CSMD1: variants seen among roughly 807,000 people sequenced by gnomAD.
The protein encoded by CSMD1 is CUB and sushi domain-containing protein 1.
In CSMD1, 213 loss-of-function variants were observed where a neutral mutation model predicts 417.5. The ratio of observed to expected loss-of-function variants is 0.51; its 90% confidence interval spans 0.46 to 0.57. The LOEUF (loss-of-function observed/expected upper bound fraction) is 0.57. Among genes scored for constraint, CSMD1 ranks in the 20% least tolerant of loss-of-function variants. The pLI, the probability that CSMD1 is intolerant of heterozygous loss-of-function variation, is 0.00. For missense variants in CSMD1, 6,923 were observed against 4,529.7 expected, an observed-to-expected ratio of 1.53 and a Z score of -15.17; for synonymous variants, 2,862 against 1,736.8, an observed-to-expected ratio of 1.65 and a Z score of -16.11.
At chr8:3,721,859 G>C (rs183113056) in intron 6 of CSMD1, among the ~76,000 whole-genome samples, 1 of 152,232 alleles carries the variant, frequency 6.6e-6, no homozygotes, top group Non-Finnish European at 1.5e-5. Flanking sequence ...GCTGTATGAA[G>C]AAAATAGCAG....
intron 1 of CSMD1, among the ~76,000 whole-genome samples, chr8:4,950,165 T>C (rs980332724): frequency 2.4e-4 from 37 of 152,218 alleles, no homozygotes; most frequent in African/African-American, 8.4e-4. Context: ...CACTTTTGTA[T>C]ATGATTGTGC....
At chr8:4,973,276 A>G (rs28506891) in intron 1 of CSMD1, among the ~76,000 whole-genome samples, 1,661 of 152,224 alleles carry the variant, frequency 0.011, 28 homozygotes, top group African/African-American at 0.037. Flanking sequence ...ACTTTATCTC[A>G]TTCGCTTTAG....
chr8:4,575,444 T>A (rs998993393), intron 2 of CSMD1, among the ~76,000 whole-genome samples: 18 of 152,322 alleles, frequency 1.2e-4, no homozygotes, highest in South Asian at 6.2e-4. Context: ...CTGTGTAACA[T>A]CCGGCAGGTC....
intron 1 of CSMD1, among the ~76,000 whole-genome samples, chr8:4,940,272 T>C (rs756576761): frequency 4.6e-5 from 7 of 152,274 alleles, no homozygotes; most frequent in East Asian, 3.9e-4. Context: ...TAACAGTCCA[T>C]TGAGTGGAAA....
rs75184805 is a variant in CSMD1, at chr8:4,794,494, C to G, written c.86-156936G>C. Among the ~76,000 whole-genome samples the G allele has an allele frequency of 2.0e-5, 3 of 152,180 alleles. 1 individual carries two copies. The highest frequency in any genetic ancestry group is 7.2e-5 in the African/African-American group (3 of 41,430). The stretch of plus-strand genomic sequence containing the variant: ...CCAGTACAAAATGGGCAGCAAGTCA[C>G]TGTGTTCTGTCCCCTGCTCTCCTCT... On this transcript the variant is annotated intron_variant, in intron 1 of 69. Coordinates refer to ENST00000635120, the MANE Select transcript of CSMD1 (RefSeq NM_033225.6).
chr8:3,028,137 G>A (rs1810081893), intron 51 of CSMD1, among the ~76,000 whole-genome samples: 1 of 152,202 alleles, frequency 6.6e-6, no homozygotes, highest in Non-Finnish European at 1.5e-5. Context: ...CCACCTGGAA[G>A]AAATTAATAA....
intron 10 of CSMD1, among the ~76,000 whole-genome samples, chr8:3,539,358 C>T (rs1431549827): frequency 6.6e-6 from 1 of 152,172 alleles, no homozygotes; most frequent in Non-Finnish European, 1.5e-5. Context: ...GCCTTCTGGG[C>T]AACACCTTTA....
chr8:4,980,215 T>G (rs1004280572), intron 1 of CSMD1, among the ~76,000 whole-genome samples: 7 of 152,312 alleles, frequency 4.6e-5, no homozygotes, highest in Middle Eastern at 3.4e-3. Context: ...AGCTTCGAGG[T>G]TGGATACTGT....
chr8:3,806,401 G>A (rs938334066), intron 5 of CSMD1, among the ~76,000 whole-genome samples: 5 of 152,184 alleles, frequency 3.3e-5, no homozygotes, highest in African/African-American at 1.2e-4. Context: ...ACAAAAGCGT[G>A]TGTGAAGCCC....
chr8:4,551,138 A>G (rs1285297728), intron 2 of CSMD1, among the ~76,000 whole-genome samples: 2 of 152,196 alleles, frequency 1.3e-5, no homozygotes, highest in Non-Finnish European at 2.9e-5. Flanking sequence ...TGGGTCTGGC[A>G]ACATCTATGT....
intron 2 of CSMD1, among the ~76,000 whole-genome samples, chr8:4,612,436 G>A (rs576756354): frequency 6.6e-6 from 1 of 152,160 alleles, no homozygotes; most frequent in Non-Finnish European, 1.5e-5. Flanking sequence ...AAATAATAGG[G>A]AAGATGCCAC....
chr8:3,648,071 T>C (rs1226042151), intron 7 of CSMD1, among the ~76,000 whole-genome samples: 2 of 152,178 alleles, frequency 1.3e-5, no homozygotes, highest in African/African-American at 2.4e-5. Context: ...GGAGGACAGA[T>C]GGATGGATGT....
In CSMD1 at chr8:4,017,708, T is replaced by C. The variant is rs75670549; in HGVS notation, c.610+14197A>G. ...CTTCAAAAACTGCATGGTCACAGGA[T>C]TGACTTTGTGCCTCGGCATTGTGTG... On this transcript the variant is annotated intron_variant, in intron 4 of 69. Coordinates refer to ENST00000635120, the MANE Select transcript of CSMD1 (RefSeq NM_033225.6). Among the ~76,000 whole-genome samples, 8 of 152,276 alleles carry C rather than the reference T, an allele frequency of 5.3e-5. No homozygotes were observed. In the East Asian group the frequency reaches 7.7e-4, roughly 15 times the overall value.
At chr8:4,017,631 G>C (rs1346613336) in intron 4 of CSMD1, among the ~76,000 whole-genome samples, 2 of 152,162 alleles carry the variant, frequency 1.3e-5, no homozygotes, top group South Asian at 2.1e-4. Flanking sequence ...ACTCTAAATT[G>C]TGTAGAAAAT....
intron 3 of CSMD1, among the ~76,000 whole-genome samples, chr8:4,392,130 G>C (rs753729476): frequency 6.6e-6 from 1 of 152,194 alleles, no homozygotes; most frequent in Non-Finnish European, 1.5e-5. Flanking sequence ...GCTGAGTCAA[G>C]TCCAGATTGC....
chr8:3,430,818 C>T (rs1039807363), intron 12 of CSMD1, among the ~76,000 whole-genome samples: 1 of 151,972 alleles, frequency 6.6e-6, no homozygotes, highest in Non-Finnish European at 1.5e-5. Context: ...ACAACAACAA[C>T]AAAAAAATTC....
intron 46 of CSMD1, among the ~76,000 whole-genome samples, chr8:3,100,536 A>G (rs1815662728): frequency 6.6e-6 from 1 of 152,152 alleles, no homozygotes; most frequent in Non-Finnish European, 1.5e-5. Flanking sequence ...ACATTAGAAA[A>G]CAACTGTGTC....
chr8:3,889,452 C>CATATATATATATATAT (rs1171842639), intron 5 of CSMD1, among the ~76,000 whole-genome samples: 7 of 45,402 alleles, frequency 1.5e-4, no homozygotes, highest in Admixed American at 6.2e-4. Context: ...CTGATCTTTC[C>CATATATATATATATAT]ATATATATAT....
At chr8:3,468,884 C>CTTTCAGG in intron 11 of CSMD1, 60 bp from the exon 12 acceptor site, 1 of 1,133,290 alleles carries the variant, frequency 8.8e-7, no homozygotes, top group South Asian at 1.3e-5. Flanking sequence ...CGACTTCCAC[C>CTTTCAGG]TGAAAGGAGG....
Sources: allele counts gnomAD v4.1 joint callset (sites outside exome capture counted in the v4.1 genomes callset), GRCh38; gene constraint gnomAD v4.1.1; transcripts MANE v1.5; gene names NCBI Gene and HGNC (gene_info 2026-07-23, HGNC 2026-07-21).